Variants in TDO2 observed in about 807,000 individuals in gnomAD.
TDO2 encodes tryptamin 2,3-dioxygenase.
A neutral mutation model predicts 61.2 loss-of-function variants in TDO2; 63 were observed. The ratio of observed to expected loss-of-function variants is 1.03; its 90% confidence interval spans 0.84 to 1.27. The LOEUF (loss-of-function observed/expected upper bound fraction) is 1.27. Ranked by LOEUF, TDO2 falls within the 50% of genes most tolerant of loss-of-function variation. TDO2 has a pLI of 0.00. For missense variants in TDO2, 494 were observed against 469.5 expected (o/e 1.05, Z -0.48); for synonymous variants, 183 against 164.0 (o/e 1.12, Z -0.89).
intron 4 of TDO2, among the ~76,000 whole-genome samples, chr4:155,908,030 A>G (rs1238615713): frequency 6.6e-6 from 1 of 152,200 alleles, no homozygotes; most frequent in African/African-American, 2.4e-5. Context: ...TTTAGAACTC[A>G]TTTCCACCCA....
intron 8 of TDO2, 28 bp from the exon 9 acceptor site, chr4:155,915,827 A>G (rs1178832549): frequency 1.3e-6 from 2 of 1,591,354 alleles, no homozygotes; most frequent in Non-Finnish European, 1.7e-6. Flanking sequence ...ATGACCTAAA[A>G]AATTTAAATT....
intron 1 of TDO2, 35 bp downstream of exon 1, chr4:155,903,828 C>G: frequency 6.2e-7 from 1 of 1,612,190 alleles, no homozygotes; most frequent in Non-Finnish European, 8.5e-7. Flanking sequence ...TGGGTTTTGG[C>G]TTTTAGAAGT....
In TDO2 at chr4:155,920,289, T is replaced by TTA. The variant is rs1191795957; in HGVS notation, c.*302_*303dup. 1 of 316,328 alleles carries TTA rather than the reference T, an allele frequency of 3.2e-6. No homozygotes were observed. The highest frequency in any genetic ancestry group is 2.2e-5 in the African/African-American group (1 of 45,666). 19.6% of individuals were successfully genotyped at this position (316,328 alleles called of 1,614,324 possible). ...TAATCACTATCTCATTGTTTCATCT[T>TTA]TATAAACTTGTAAACTTCATCTATT... On this transcript the variant is annotated 3_prime_UTR_variant, in exon 12 of 12. Transcript: ENST00000536354.
At chr4:155,917,920 G>T (rs893955452) in intron 10 of TDO2, among the ~76,000 whole-genome samples, 3 of 151,900 alleles carry the variant, frequency 2.0e-5, no homozygotes, top group Non-Finnish European at 2.9e-5. Context: ...TGTATCCATG[G>T]GCTAAATGCA....
chr4:155,913,575 A>G (rs967215665), intron 7 of TDO2, among the ~76,000 whole-genome samples: 2 of 152,098 alleles, frequency 1.3e-5, no homozygotes, highest in Admixed American at 6.6e-5. Context: ...TCTTATTCCT[A>G]CCAGATAATT....
chr4:155,914,321 A>G lies in TDO2; in HGVS notation c.727-2A>G. On this transcript the variant is annotated splice_acceptor_variant, in intron 7 of 11. Coordinates refer to ENST00000536354, the MANE Select transcript of TDO2 (RefSeq NM_005651.4). LOFTEE classifies it high-confidence loss of function. ...ACTATTAATGCCATATTTTTCCTAA[A>G]GGCTAAAGAAGAGTCTGAAGAAAAA... is the stretch of plus-strand genomic sequence containing the variant. The G allele has an allele frequency of 6.3e-7, 1 of 1,597,208 alleles. No homozygotes were observed. Among genetic ancestry groups the G allele is most frequent in the Non-Finnish European group, 8.5e-7 (1 of 1,175,228 alleles).
rs1225167563 is a variant in TDO2 at position 155,914,322 on chromosome 4, G to A, written c.727-1G>A. 3.7e-6 allele frequency: 6 copies of A among 1,600,988 alleles called. No individual in the cohort carries two copies. Among genetic ancestry groups the A allele is most frequent in the South Asian group, 3.4e-5 (3 of 88,126 alleles). Reference sequence around the variant, plus strand: ...CTATTAATGCCATATTTTTCCTAAAGGCTAAAGAAGAGTCTGAAGAAAAAG... The same window carrying A: ...CTATTAATGCCATATTTTTCCTAAAAGCTAAAGAAGAGTCTGAAGAAAAAG... On this transcript the variant is annotated splice_acceptor_variant, in intron 7 of 11. Transcript: ENST00000536354. LOFTEE classifies it high-confidence loss of function.
Position 155,903,758 on chromosome 4 carries a change from C to T in TDO2, c.-1C>T, listed in dbSNP as rs78544310. 9.9e-6 allele frequency: 16 copies of T among 1,614,194 alleles called. No individual in the cohort carries two copies. In the East Asian group the frequency reaches 3.6e-4, roughly 36 times the overall value. Reference sequence around the variant, plus strand: ...TGCTTCTCAGACAGTGCCTTTTCACCATGAGTGGGTGCCCATTTTTAGGAA... The same window carrying T: ...TGCTTCTCAGACAGTGCCTTTTCACTATGAGTGGGTGCCCATTTTTAGGAA... On this transcript the variant is annotated 5_prime_UTR_variant, in exon 1 of 12. Transcript: ENST00000536354.
At chr4:155,914,579 G>A in intron 8 of TDO2, 145 bp downstream of exon 8, 1 of 593,788 alleles carries the variant, frequency 1.7e-6, no homozygotes, top group Non-Finnish European at 2.7e-6. Flanking sequence ...TGGAGTAAAT[G>A]TTTTTGGTGA....
At position 155,914,357 on chromosome 4, in the gene TDO2, T is replaced by C; in HGVS notation, c.761T>C (p.Val254Ala). Reference sequence around the variant, plus strand: ...GAGTCTGAAGAAAAAGAGGAACAGGTGGCTGAATTTCAGAAGCAAAAAGAG... The same window carrying C: ...GAGTCTGAAGAAAAAGAGGAACAGGCGGCTGAATTTCAGAAGCAAAAAGAG... ...KEESEEKEEQ[V>A]AEFQKQKEVL... Residue 254 changes from valine to alanine, a missense_variant, in exon 8 of 12, where the codon GTG becomes GCG. By Grantham distance (64) the Val-to-Ala change is moderately conservative. Transcript: ENST00000536354. 1 of 1,609,066 alleles carries C rather than the reference T, an allele frequency of 6.2e-7. No individual in the cohort carries two copies. Among genetic ancestry groups the C allele is most frequent in the Non-Finnish European group, 8.5e-7 (1 of 1,178,648 alleles).
rs183314031 is a variant in TDO2 at position 155,915,265 on chromosome 4, C to T, written c.839-590C>T. On this transcript the variant is annotated intron_variant, in intron 8 of 11. Coordinates refer to ENST00000536354, the MANE Select transcript of TDO2 (RefSeq NM_005651.4). Reference sequence around the variant, plus strand: ...AAAATTAACTTTTATAACACAAGTACGAAACATAGCAATACGTGAAATTGG... The same window carrying T: ...AAAATTAACTTTTATAACACAAGTATGAAACATAGCAATACGTGAAATTGG... Among the ~76,000 whole-genome samples, 536 of 152,076 alleles carry T rather than the reference C, an allele frequency of 3.5e-3. 6 individuals carry two copies. Among genetic ancestry groups the T allele is most frequent in the Non-Finnish European group, 2.4e-3 (164 of 67,954 alleles).
At chr4:155,914,266 A>G in intron 7 of TDO2, 57 bp from the exon 8 acceptor site, 1 of 1,359,648 alleles carries the variant, frequency 7.4e-7, no homozygotes, top group Non-Finnish European at 1.0e-6. Flanking sequence ...AAAGTTTTCT[A>G]AAATATCAAT....
chr4:155,919,791 A>ATT, intron 11 of TDO2, 46 bp from the exon 12 acceptor site: 5 of 1,516,680 alleles, frequency 3.3e-6, no homozygotes, highest in Non-Finnish European at 4.4e-6. Context: ...AAATTTAAAT[A>ATT]TTTCATGTCA....
Position 155,920,006 on chromosome 4 carries a change from C to A in TDO2, c.*16C>A. On this transcript the variant is annotated 3_prime_UTR_variant, in exon 12 of 12. Transcript: ENST00000536354. ...ATCAGATTAAAATCGTCTGCAAAAT[C>A]TATGAAGAATACTGGTTTCACAGCC... 1.9e-6 allele frequency: 3 copies of A among 1,609,618 alleles called. No individual in the cohort carries two copies. Among genetic ancestry groups the A allele is most frequent in the Non-Finnish European group, 2.5e-6 (3 of 1,177,908 alleles).
intron 9 of TDO2, 131 bp downstream of exon 9, chr4:155,916,043 A>C (rs1742926368): frequency 1.4e-6 from 1 of 715,374 alleles, no homozygotes; most frequent in African/African-American, 1.9e-5. Flanking sequence ...AACTTGGAAG[A>C]TAATTAGTAA....
chr4:155,917,496 C>G (rs1048388285), intron 10 of TDO2, 22 bp downstream of exon 10: 1 of 1,583,420 alleles, frequency 6.3e-7, no homozygotes, highest in African/African-American at 1.4e-5. Flanking sequence ...CCACTCACCC[C>G]ATGTTGCTTC....
intron 3 of TDO2, chr4:155,907,449 T>C (rs1351137144): frequency 2.9e-6 from 1 of 346,890 alleles, no homozygotes; most frequent in Admixed American, 4.6e-5. Context: ...CTCAAAGACC[T>C]AAAAATGCAT....
intron 3 of TDO2, chr4:155,906,826 G>A (rs1167014416): frequency 6.6e-6 from 1 of 152,126 alleles, no homozygotes; most frequent in Non-Finnish European, 1.5e-5. Flanking sequence ...TTGTAGGTGG[G>A]TAACTGATCA....
intron 4 of TDO2, among the ~76,000 whole-genome samples, chr4:155,908,393 C>G (rs896975318): frequency 6.6e-6 from 1 of 151,150 alleles, no homozygotes; most frequent in Non-Finnish European, 1.5e-5. Context: ...GGGTCCTCTA[C>G]CTCTGAGCCC....
Sources: gnomAD v4.1 joint callset for allele counts (sites outside exome capture counted in the v4.1 genomes callset) on GRCh38, gnomAD v4.1.1 for gene constraint, MANE v1.5 for transcripts, NCBI Gene and HGNC (gene_info 2026-07-23, HGNC 2026-07-21) for gene names.